CUEDC2: variants seen among roughly 807,000 people sequenced by gnomAD.
The protein encoded by CUEDC2 is CUE domain containing 2.
Under a neutral mutation model 36.0 loss-of-function variants are expected in CUEDC2, and 10 were observed. The ratio of observed to expected loss-of-function variants is 0.28; its 90% CI spans 0.17 to 0.47. CUEDC2 has a LOEUF of 0.47. Among genes scored for constraint, CUEDC2 ranks in the 20% least tolerant of loss-of-function variants. The pLI, the probability that CUEDC2 is intolerant of heterozygous loss-of-function variation, is 0.99. For missense variants in CUEDC2, 269 were observed against 368.1 expected, an observed-to-expected ratio of 0.73 and a Z score of 2.20; for synonymous variants, 133 against 141.8, an observed-to-expected ratio of 0.94 and a Z score of 0.44.
Position 102,424,912 on chromosome 10 carries a change from A to C in CUEDC2, c.75-120T>G. 1 of 1,132,340 alleles carries C rather than the reference A, an allele frequency of 8.8e-7. No individual in the cohort carries two copies. Among genetic ancestry groups the C allele is most frequent in the Non-Finnish European group, 1.3e-6 (1 of 798,786 alleles). 70.1% of individuals were successfully genotyped at this position (1,132,340 alleles called of 1,614,324 possible). On this transcript the variant is annotated intron_variant, in intron 2 of 8. Coordinates refer to ENST00000369937, the MANE Select transcript of CUEDC2 (RefSeq NM_024040.3). This position sits in a 1 kb window ranked among gnomAD's most constrained non-coding sequence, Gnocchi z 4.2. ...TCTATGAGCTAGACCTTTATCTTTAAGGCCAGAGAGTATAACCCCCTCCCT... is the reference window on the plus strand; with the variant it reads ...TCTATGAGCTAGACCTTTATCTTTACGGCCAGAGAGTATAACCCCCTCCCT...
Position 102,424,633 on chromosome 10 carries a change from C to G in CUEDC2, c.218+16G>C, listed in dbSNP as rs545200489. The stretch of plus-strand genomic sequence containing the variant: ...CAGCCAGCCCCTTCCTCCTCCTGGC[C>G]CTAGCCAGAACCTACCTGGGGATGT... On this transcript the variant is annotated intron_variant, in intron 3 of 8. Transcript: ENST00000369937. The surrounding 1 kb of genome is among the most constrained non-coding windows in gnomAD (Gnocchi z 4.2). 3.7e-6 allele frequency: 6 copies of G among 1,614,212 alleles called. No individual in the cohort carries two copies. Among genetic ancestry groups the G allele is most frequent in the Non-Finnish European group, 5.1e-6 (6 of 1,180,010 alleles).
chr10:102,424,462 T>C lies in CUEDC2; in HGVS notation c.280+37A>G. 2 of 1,614,026 alleles carry C rather than the reference T, an allele frequency of 1.2e-6. No homozygotes were observed. The highest frequency in any genetic ancestry group is 1.1e-5 in the South Asian group (1 of 91,078). ...GGAGCAGGCAGTTGGGGGAGCGGGATTATGAATCACTCAGGTGCCCAGAGC... is the reference window on the plus strand; with the variant it reads ...GGAGCAGGCAGTTGGGGGAGCGGGACTATGAATCACTCAGGTGCCCAGAGC... On this transcript the variant is annotated intron_variant, in intron 4 of 8. Transcript: ENST00000369937. The surrounding 1 kb of genome is among the most constrained non-coding windows in gnomAD (Gnocchi z 4.2).
chr10:102,425,340 GC>G (rs1486164528), intron 1 of CUEDC2, 142 bp from the exon 2 acceptor site: 3 of 640,282 alleles, frequency 4.7e-6, no homozygotes, highest in East Asian at 5.6e-5. Context: ...GTAGAACCAT[GC>G]CCCCTCCTCC....
At chr10:102,428,001 G>A (rs1359534669) in intron 1 of CUEDC2, among the ~76,000 whole-genome samples, 1 of 152,018 alleles carries the variant, frequency 6.6e-6, no homozygotes, top group African/African-American at 2.4e-5. Flanking sequence ...GAGTGCAGTG[G>A]TGCCATCTTG....
chr10:102,430,236 T>G (rs2061612202), intron 1 of CUEDC2, among the ~76,000 whole-genome samples: 1 of 151,288 alleles, frequency 6.6e-6, no homozygotes, highest in Admixed American at 6.6e-5. Context: ...TGGCGCGATC[T>G]TGGCTCACCG....
At chr10:102,425,059 G>A (rs2061590911) in intron 2 of CUEDC2, 56 bp downstream of exon 2, 2 of 1,468,062 alleles carry the variant, frequency 1.4e-6, no homozygotes, top group Non-Finnish European at 9.5e-7. Flanking sequence ...CCATAGTACT[G>A]CCCGGCAGCT....
intron 1 of CUEDC2, among the ~76,000 whole-genome samples, chr10:102,431,859 C>T (rs545280242): frequency 3.9e-5 from 6 of 152,254 alleles, no homozygotes; most frequent in Admixed American, 3.9e-4. Flanking sequence ...ACACTGTGGA[C>T]AAATTTAAGT....
intron 1 of CUEDC2, among the ~76,000 whole-genome samples, chr10:102,428,283 T>C (rs1337851060): frequency 6.6e-6 from 1 of 152,172 alleles, no homozygotes; most frequent in African/African-American, 2.4e-5. Context: ...AACTCTTTCA[T>C]GGCAAGGTAG....
Position 102,425,130 on chromosome 10 carries a change from G to A in CUEDC2, c.59C>T (p.Pro20Leu), listed in dbSNP as rs562865002. 18 of 1,613,738 alleles carry A rather than the reference G, an allele frequency of 1.1e-5. No homozygotes were observed. The highest frequency in any genetic ancestry group is 2.2e-5 in the East Asian group (1 of 44,874). Reference protein sequence around the residue: ...ALLAFVQTHLPEADLSGLDEV... With the variant: ...ALLAFVQTHLLEADLSGLDEV... ...CCGTCTCTACCTGAGGTCGGCCTCCGGGAGGTGTGTCTGGACAAAGGCAAG... is the reference window on the plus strand; with the variant it reads ...CCGTCTCTACCTGAGGTCGGCCTCCAGGAGGTGTGTCTGGACAAAGGCAAG... Residue 20 changes from proline to leucine, a missense_variant, in exon 2 of 9, where the codon CCG becomes CTG. Coordinates refer to ENST00000369937, the MANE Select transcript of CUEDC2 (RefSeq NM_024040.3).
At position 102,431,343 on chromosome 10, in the gene CUEDC2, C is replaced by A. The variant is rs140462766; in HGVS notation, c.-11+1183G>T. Among the ~76,000 whole-genome samples the A allele has an allele frequency of 1.3e-3, 195 of 152,272 alleles. 1 individual carries two copies. Among genetic ancestry groups the A allele is most frequent in the African/African-American group, 4.5e-3 (185 of 41,558 alleles). On this transcript the variant is annotated intron_variant, in intron 1 of 8. Transcript: ENST00000369937. ...TTTTTTAGTAGAGACGGGGTTTCAC[C>A]ATGTTGGCCAGACTGGTCTCGAACT... is the stretch of plus-strand genomic sequence containing the variant.
intron 1 of CUEDC2, among the ~76,000 whole-genome samples, chr10:102,429,489 G>C (rs747651878): frequency 1.3e-5 from 2 of 151,426 alleles, no homozygotes; most frequent in Non-Finnish European, 2.9e-5. Flanking sequence ...TTGGGACAGG[G>C]CTACCTTCTA....
intron 1 of CUEDC2, among the ~76,000 whole-genome samples, chr10:102,431,472 A>G (rs1397947753): frequency 6.6e-6 from 1 of 152,154 alleles, no homozygotes; most frequent in East Asian, 1.9e-4. Flanking sequence ...CTGAAAGGAA[A>G]TGAAGGCACT....
chr10:102,424,007 C>T lies in CUEDC2; in HGVS notation c.583G>A (p.Gly195Ser). 6.2e-7 allele frequency: 1 copy of T among 1,613,780 alleles called. No homozygotes were observed. Among genetic ancestry groups the T allele is most frequent in the South Asian group, 1.1e-5 (1 of 91,066 alleles). Residue 195 changes from glycine (G) to serine (S), a missense_variant, in exon 6 of 9, where the codon GGC becomes AGC. Transcript: ENST00000369937. This position sits in a 1 kb window ranked among gnomAD's most constrained non-coding sequence, Gnocchi z 4.2. Reference sequence around the variant, plus strand: ...CTGGGAAAAGATACCTGGTTGGGGCCCTCCCAGGCTGCAGGCCCCTCTTCC... The same window carrying T: ...CTGGGAAAAGATACCTGGTTGGGGCTCTCCCAGGCTGCAGGCCCCTCTTCC... ...GKEEGPAAWE[G>S]PNQDLPRRLR...
At chr10:102,427,832 C>A (rs1021879880) in intron 1 of CUEDC2, among the ~76,000 whole-genome samples, 1 of 152,230 alleles carries the variant, frequency 6.6e-6, no homozygotes, top group Non-Finnish European at 1.5e-5. Flanking sequence ...CTTTTCATGG[C>A]TTTCCATTGC....
Position 102,424,828 on chromosome 10 carries a change from C to T in CUEDC2, c.75-36G>A. The T allele has an allele frequency of 6.2e-7, 1 of 1,603,672 alleles. No homozygotes were observed. The highest frequency in any genetic ancestry group is 1.1e-5 in the South Asian group (1 of 90,420). On this transcript the variant is annotated intron_variant, in intron 2 of 8. Coordinates refer to ENST00000369937, the MANE Select transcript of CUEDC2 (RefSeq NM_024040.3). This position sits in a 1 kb window ranked among gnomAD's most constrained non-coding sequence, Gnocchi z 4.2. ...GGAACAGGACAAGCCCTGGGTAGGACACTGGATGCCTCCAGCACCCCCACC... is the reference window on the plus strand; with the variant it reads ...GGAACAGGACAAGCCCTGGGTAGGATACTGGATGCCTCCAGCACCCCCACC...
chr10:102,429,098 C>A (rs1433264877), intron 1 of CUEDC2, among the ~76,000 whole-genome samples: 1 of 152,014 alleles, frequency 6.6e-6, no homozygotes, highest in African/African-American at 2.4e-5. Context: ...AGGGACATCA[C>A]CCCTGACCTA....
chr10:102,424,474 C>A lies in CUEDC2; in HGVS notation c.280+25G>T, dbSNP rs757231853. 1.2e-6 allele frequency: 2 copies of A among 1,614,100 alleles called. No homozygotes were observed. The highest frequency in any genetic ancestry group is 1.7e-6 in the Non-Finnish European group (2 of 1,179,998). ...TGGGGGAGCGGGATTATGAATCACTCAGGTGCCCAGAGCCCCAGACTCACC... is the reference window on the plus strand; with the variant it reads ...TGGGGGAGCGGGATTATGAATCACTAAGGTGCCCAGAGCCCCAGACTCACC... On this transcript the variant is annotated intron_variant, in intron 4 of 8. Coordinates refer to ENST00000369937, the MANE Select transcript of CUEDC2 (RefSeq NM_024040.3). This position sits in a 1 kb window ranked among gnomAD's most constrained non-coding sequence, Gnocchi z 4.2.
intron 1 of CUEDC2, among the ~76,000 whole-genome samples, chr10:102,431,361 C>G (rs1393720394): frequency 6.6e-6 from 1 of 152,194 alleles, no homozygotes; most frequent in Non-Finnish European, 1.5e-5. Flanking sequence ...CCAGACTGGT[C>G]TCGAACTCCT....
chr10:102,427,401 C>CT (rs1243071480), intron 1 of CUEDC2, among the ~76,000 whole-genome samples: 2 of 152,184 alleles, frequency 1.3e-5, no homozygotes, highest in South Asian at 2.1e-4. Flanking sequence ...ATCTACCTCT[C>CT]TAACACTGCC....
Sources: allele counts gnomAD v4.1 joint callset (sites outside exome capture counted in the v4.1 genomes callset), GRCh38; gene constraint gnomAD v4.1.1; non-coding constraint Gnocchi (gnomAD v3.1); transcripts MANE v1.5; gene names NCBI Gene and HGNC (gene_info 2026-07-23, HGNC 2026-07-21).